Variants in GSN observed in about 807,000 individuals in gnomAD.
GSN encodes the protein gelsolin, also known as actin-depolymerizing factor.
Under a neutral mutation model 85.7 loss-of-function variants are expected in GSN, and 56 were observed. The ratio of observed to expected loss-of-function variants is 0.65; its 90% CI spans 0.53 to 0.82. GSN has a LOEUF of 0.82. GSN is among the 40% of genes least tolerant of loss of function. GSN has a pLI of 0.00. For missense variants in GSN, 857 were observed against 979.8 expected (o/e 0.87, Z 1.67); for synonymous variants, 373 against 399.1 (o/e 0.93, Z 0.78).
chr9:121,320,669 A>G (rs1017514357), intron 10 of GSN, among the ~76,000 whole-genome samples: 4 of 152,030 alleles, frequency 2.6e-5, no homozygotes, highest in Non-Finnish European at 4.4e-5. Context: ...AAAAAAAAGA[A>G]AAAAAGAAAG....
upstream of GSN, among the ~76,000 whole-genome samples, chr9:121,205,984 TC>T (rs1203228423): frequency 6.6e-6 from 1 of 151,866 alleles, no homozygotes; most frequent in Non-Finnish European, 1.5e-5. Context: ...AATTGGAGAT[TC>T]CCCCCTACCC....
At chr9:121,288,182 C>G (rs909366015) in intron 2 of GSN, among the ~76,000 whole-genome samples, 5 of 152,146 alleles carry the variant, frequency 3.3e-5, no homozygotes, top group Non-Finnish European at 7.4e-5. Flanking sequence ...CCCGCCTCAG[C>G]CTTCCAAAGT....
intron 16 of GSN, 26 bp from the exon 17 acceptor site, chr9:121,331,362 C>G (rs2063867976): frequency 6.6e-7 from 1 of 1,523,986 alleles, no homozygotes; most frequent in Non-Finnish European, 9.1e-7. Context: ...TCCTCATGTA[C>G]CTTTCCTGTT....
intron 4 of GSN, among the ~76,000 whole-genome samples, chr9:121,305,914 A>G (rs2060364988): frequency 6.6e-6 from 1 of 152,170 alleles, no homozygotes; most frequent in Non-Finnish European, 1.5e-5. Context: ...GTTCCTGTGA[A>G]AGCCTCTTCC....
intron 11 of GSN, among the ~76,000 whole-genome samples, chr9:121,322,871 G>C (rs12340065): frequency 0.039 from 5,862 of 149,352 alleles, 344 homozygotes; most frequent in Admixed American, 0.16. Flanking sequence ...TGCTCTGTTG[G>C]CCAGGCTGTA....
At chr9:121,246,769 A>G (rs930245021) in intron 5 of GSN, among the ~76,000 whole-genome samples, 2 of 152,138 alleles carry the variant, frequency 1.3e-5, no homozygotes, top group African/African-American at 4.8e-5. Flanking sequence ...CACAAGTCCA[A>G]GTTCAGCCAT....
chr9:121,286,582 T>C (rs766077208), intron 2 of GSN: 2 of 1,480,610 alleles, frequency 1.4e-6, no homozygotes, highest in Non-Finnish European at 1.8e-6. Context: ...CCATGGGTGC[T>C]CCCTCCTTTG....
At chr9:121,331,367 C>G in intron 16 of GSN, 21 bp from the exon 17 acceptor site, 1 of 1,550,564 alleles carries the variant, frequency 6.4e-7, no homozygotes, top group Non-Finnish European at 8.9e-7. Context: ...ATGTACCTTT[C>G]CTGTTGCATC....
At chr9:121,311,265 A>G (rs1257650902) in intron 5 of GSN, 1 of 274,952 alleles carries the variant, frequency 3.6e-6, no homozygotes, top group Non-Finnish European at 7.1e-6. Flanking sequence ...GCACATGCCC[A>G]TGATCTATGG....
At position 121,281,498 on chromosome 9, in the gene GSN, G is replaced by T. The variant is rs1039335072; in HGVS notation, c.-74G>T. 4 of 392,510 alleles carry T rather than the reference G, an allele frequency of 1.0e-5. No individual in the cohort carries two copies. The highest frequency in any genetic ancestry group is 2.1e-5 in the Non-Finnish European group (4 of 190,760). 24.3% of individuals were successfully genotyped at this position (392,510 alleles called of 1,614,324 possible). On this transcript the variant is annotated 5_prime_UTR_variant, in exon 2 of 18. Transcript: ENST00000432226. ...GTGCTCATAGCTCTCTTTGTCCAGT[G>T]CTTCGGCCTTGGTCCCAGCGCCTTC... is the stretch of plus-strand genomic sequence containing the variant.
chr9:121,275,035 C>T (rs1213808543), intron 1 of GSN, among the ~76,000 whole-genome samples: 1 of 152,168 alleles, frequency 6.6e-6, no homozygotes, highest in African/African-American at 2.4e-5. Context: ...ACCAGCCATC[C>T]GTGAGAATGG....
At chr9:121,327,269 T>C (rs781564507) in intron 13 of GSN, 39 bp from the exon 14 acceptor site, 1 of 1,579,722 alleles carries the variant, frequency 6.3e-7, no homozygotes, top group Admixed American at 1.7e-5. Context: ...CTGAGGGCTT[T>C]TTGTCTGGTT....
rs754716980 is a variant in GSN at position 121,302,904 on chromosome 9, C to T, written c.197-7C>T. On this transcript the variant is annotated splice_polypyrimidine_tract_variant and splice_region_variant and intron_variant, in intron 3 of 17. Transcript: ENST00000432226. ...AGCCAGGCTCATATTGCTCTGATGT[C>T]CCGTAGGCAATGAGTGCAGCCAGGA... 2.5e-6 allele frequency: 4 copies of T among 1,613,326 alleles called. No individual in the cohort carries two copies. Among genetic ancestry groups the T allele is most frequent in the Non-Finnish European group, 3.4e-6 (4 of 1,179,956 alleles).
intron 4 of GSN, among the ~76,000 whole-genome samples, chr9:121,221,383 C>T (rs1474190009): frequency 6.6e-6 from 1 of 152,240 alleles, no homozygotes; most frequent in Non-Finnish European, 1.5e-5. Context: ...TTAAGAGCAG[C>T]CCCAATTCCC....
intron 6 of GSN, among the ~76,000 whole-genome samples, chr9:121,262,229 G>A (rs2055102097): frequency 1.3e-5 from 2 of 152,104 alleles, no homozygotes; most frequent in South Asian, 4.1e-4. Context: ...CTTTCCCTTG[G>A]CCTTCTTTCA....
chr9:121,245,127 T>C (rs2054674483), intron 5 of GSN, among the ~76,000 whole-genome samples: 1 of 152,190 alleles, frequency 6.6e-6, no homozygotes, highest in South Asian at 2.1e-4. Flanking sequence ...AAGACTTTAG[T>C]GACCTTAAAT....
chr9:121,302,662 G>A (rs1435744482), intron 3 of GSN, among the ~76,000 whole-genome samples: 2 of 152,158 alleles, frequency 1.3e-5, no homozygotes, highest in African/African-American at 4.8e-5. Flanking sequence ...TCCCAGTCCT[G>A]AGTTTACGCT....
chr9:121,313,902 A>G, intron 6 of GSN, 32 bp from the exon 7 acceptor site: 1 of 1,549,870 alleles, frequency 6.5e-7, no homozygotes, highest in Non-Finnish European at 8.9e-7. Context: ...CCTCACAGCC[A>G]CCCTTCCTCT....
chr9:121,295,185 A>G (rs1416657843), intron 2 of GSN, among the ~76,000 whole-genome samples: 1 of 152,200 alleles, frequency 6.6e-6, no homozygotes, highest in African/African-American at 2.4e-5. Flanking sequence ...TCCATGCTCT[A>G]GGTACCATTC....
Sources: allele counts gnomAD v4.1 joint callset (sites outside exome capture counted in the v4.1 genomes callset), GRCh38; gene constraint gnomAD v4.1.1; transcripts MANE v1.5; gene names NCBI Gene and HGNC (gene_info 2026-07-23, HGNC 2026-07-21).